L3MBTL4: variants seen among roughly 807,000 people sequenced by gnomAD.
L3MBTL4 encodes the protein L3MBTL histone methyl-lysine binding protein 4.
In L3MBTL4, 70 loss-of-function variants were observed where a neutral mutation model predicts 84.5. The observed-to-expected ratio is 0.83, with a 90% confidence interval of 0.68 to 1.01. L3MBTL4 has a LOEUF of 1.01. Ranked by LOEUF, L3MBTL4 falls within the 50% of genes least tolerant of loss-of-function variation. The pLI is 0.00. For missense variants in L3MBTL4, 715 were observed against 754.8 expected, an observed-to-expected ratio of 0.95 and a Z score of 0.62; for synonymous variants, 274 against 259.8, an observed-to-expected ratio of 1.05 and a Z score of -0.52.
In L3MBTL4 at chr18:6,390,797, C is replaced by T. The variant is rs190238989; in HGVS notation, c.-91+24004G>A. Among the ~76,000 whole-genome samples the T allele has an allele frequency of 1.4e-4, 21 of 152,190 alleles. 4 individuals carry two copies. The highest frequency in any genetic ancestry group is 4.6e-4 in the African/African-American group (19 of 41,554). On this transcript the variant is annotated intron_variant, in intron 1 of 18. Coordinates refer to ENST00000317931, the MANE Select transcript of L3MBTL4 (RefSeq NM_001330559.2). ...ATCAGGAAGAAACAGAAACCATGAA[C>T]AGACCAATAACAAGCAGTGAGACTG...
rs926506035 is a variant in L3MBTL4 at position 6,072,693 on chromosome 18, CACACAAA to C, written c.1444+8181_1444+8187del. On this transcript the variant is annotated intron_variant, in intron 16 of 18. Coordinates refer to ENST00000317931, the MANE Select transcript of L3MBTL4 (RefSeq NM_001330559.2). ...GTCTCTACTAAAAAACACACACACA[CACACAAA>C]AAAAAATTAGCTGGGCGTAGTGGCG... Among the ~76,000 whole-genome samples the C allele has an allele frequency of 1.8e-4, 21 of 114,538 alleles. No individual in the cohort carries two copies. The East Asian group carries it at 4.9e-3, about 27-fold the overall frequency. The allele number at this position is 114,538 out of a possible 152,430, so 75.1% of individuals were successfully genotyped here.
intron 14 of L3MBTL4, among the ~76,000 whole-genome samples, chr18:6,105,154 T>G (rs143469643): frequency 7.0e-4 from 107 of 151,940 alleles, no homozygotes; most frequent in African/African-American, 2.5e-3. Context: ...AATTGGTTTT[T>G]CAAGTATATG....
intron 5 of L3MBTL4, among the ~76,000 whole-genome samples, chr18:6,248,502 C>G (rs1057490882): frequency 2.6e-5 from 4 of 152,136 alleles, no homozygotes; most frequent in Non-Finnish European, 5.9e-5. Flanking sequence ...TTAAAATTAG[C>G]AAAAGTTACT....
At chr18:6,379,866 T>A (rs1424337152) in intron 1 of L3MBTL4, among the ~76,000 whole-genome samples, 1 of 152,248 alleles carries the variant, frequency 6.6e-6, no homozygotes, top group African/African-American at 2.4e-5. Context: ...CTTTTTCTAT[T>A]GATTGGAATC....
At chr18:6,010,753 G>T (rs779341250) in intron 16 of L3MBTL4, among the ~76,000 whole-genome samples, 16 of 152,010 alleles carry the variant, frequency 1.1e-4, no homozygotes, top group Admixed American at 3.3e-4. Flanking sequence ...AAGCAAAATG[G>T]AAGTAAAATA....
intron 16 of L3MBTL4, among the ~76,000 whole-genome samples, chr18:6,026,713 G>C (rs1192402712): frequency 6.6e-6 from 1 of 152,162 alleles, no homozygotes; most frequent in Non-Finnish European, 1.5e-5. Flanking sequence ...AATAGTGACT[G>C]AGAGTATGAT....
chr18:6,237,449 T>C (rs1191082211), intron 10 of L3MBTL4, among the ~76,000 whole-genome samples: 1 of 129,756 alleles, frequency 7.7e-6, no homozygotes, highest in East Asian at 2.1e-4. Flanking sequence ...GTACATCTTT[T>C]TTTTTTTTTT....
chr18:5,999,777 C>T (rs9807455), intron 16 of L3MBTL4, among the ~76,000 whole-genome samples: 1,843 of 152,256 alleles, frequency 0.012, 33 homozygotes, highest in African/African-American at 0.043. Flanking sequence ...GAGTGGTGGC[C>T]GATCTCCTGG....
At chr18:6,176,318 C>T (rs542970081) in intron 12 of L3MBTL4, among the ~76,000 whole-genome samples, 2 of 152,212 alleles carry the variant, frequency 1.3e-5, no homozygotes, top group Admixed American at 6.5e-5. Context: ...ACTACAAAGG[C>T]ACAGTTATTA....
In L3MBTL4 at chr18:6,241,378, A is replaced by G; in HGVS notation, c.532T>C (p.Leu178=). The G allele has an allele frequency of 1.3e-6, 2 of 1,594,906 alleles. No individual in the cohort carries two copies. Among genetic ancestry groups the G allele is most frequent in the Non-Finnish European group, 8.6e-7 (1 of 1,166,528 alleles). ...CTTACAGGACTTCTGTTTCTGAATA[A>G]TTTCTTTGGAGCATTTTGCAATTTG... ...ACKLQNAPKK[L]FRNRSPNGPM... Residue 178 remains leucine, a synonymous_variant, in exon 8 of 19, where the codon TTA becomes CTA. Transcript: ENST00000317931.
chr18:6,073,675 C>T (rs921414889), intron 16 of L3MBTL4, among the ~76,000 whole-genome samples: 1 of 152,114 alleles, frequency 6.6e-6, no homozygotes, highest in Non-Finnish European at 1.5e-5. Flanking sequence ...ATAAAATTGA[C>T]GATGCAAGCT....
At chr18:6,350,210 T>C (rs2053115537) in intron 1 of L3MBTL4, among the ~76,000 whole-genome samples, 1 of 152,172 alleles carries the variant, frequency 6.6e-6, no homozygotes, top group Non-Finnish European at 1.5e-5. Flanking sequence ...ACAACAATGA[T>C]GTCAAAAACG....
intron 12 of L3MBTL4, among the ~76,000 whole-genome samples, chr18:6,188,461 T>C (rs2044893598): frequency 6.6e-6 from 1 of 151,694 alleles, no homozygotes. Flanking sequence ...AAACTAAAAA[T>C]ATATAAAACC....
chr18:6,020,257 C>T (rs899683607), intron 16 of L3MBTL4, among the ~76,000 whole-genome samples: 76 of 151,840 alleles, frequency 5.0e-4, no homozygotes, highest in Non-Finnish European at 4.4e-5. Flanking sequence ...GACGTCCAGG[C>T]TGAGGTGAGA....
chr18:6,148,713 G>A (rs1321896559), intron 13 of L3MBTL4, among the ~76,000 whole-genome samples: 1 of 152,068 alleles, frequency 6.6e-6, no homozygotes, highest in Non-Finnish European at 1.5e-5. Context: ...TTACAGGCAT[G>A]AGCTACCATG....
intron 16 of L3MBTL4, chr18:6,031,435 G>A (rs1598487723): frequency 3.0e-6 from 3 of 985,436 alleles, no homozygotes; most frequent in African/African-American, 1.7e-5. Flanking sequence ...TATAAGTTGC[G>A]AGGTGGGACC....
intron 15 of L3MBTL4, among the ~76,000 whole-genome samples, chr18:6,087,971 T>C (rs1420662125): frequency 1.3e-5 from 2 of 152,164 alleles, no homozygotes; most frequent in Non-Finnish European, 2.9e-5. Context: ...ATGTATATGA[T>C]GAAATCAATC....
At chr18:6,018,389 C>T (rs978192006) in intron 16 of L3MBTL4, among the ~76,000 whole-genome samples, 8 of 152,180 alleles carry the variant, frequency 5.3e-5, no homozygotes, top group African/African-American at 1.9e-4. Flanking sequence ...TTCTGATGAA[C>T]AGCAGGGCTG....
At chr18:6,320,467 C>T (rs750574304) in intron 1 of L3MBTL4, among the ~76,000 whole-genome samples, 3 of 151,988 alleles carry the variant, frequency 2.0e-5, no homozygotes, top group South Asian at 2.1e-4. Context: ...AATAGCACTG[C>T]TATACACAAA....
Sources: allele counts gnomAD v4.1 joint callset (sites outside exome capture counted in the v4.1 genomes callset), GRCh38; gene constraint gnomAD v4.1.1; transcripts MANE v1.5; gene names NCBI Gene and HGNC (gene_info 2026-07-23, HGNC 2026-07-21).